Variants in SPATA9 observed in about 807,000 individuals in gnomAD.
SPATA9 encodes spermatogenesis-associated protein 9.
SPATA9 carries 27 observed loss-of-function variants against 25.5 expected under a neutral mutation model. The ratio of observed to expected loss-of-function variants is 1.06; its 90% CI spans 0.78 to 1.46. The LOEUF is 1.46. Ranked by LOEUF, SPATA9 falls within the 40% of genes most tolerant of loss-of-function variation. SPATA9 has a pLI of 0.00. For synonymous variants in SPATA9, 102 were observed against 105.7 expected (o/e 0.97, Z 0.21); for missense variants, 282 against 297.5 (o/e 0.95, Z 0.38).
In SPATA9 at chr5:95,658,613, A is replaced by G; in HGVS notation, c.*10T>C. Reference sequence around the variant, plus strand: ...GATAACTCTTAAGTTCTGTTCAGTGATACCTGTATTCAGATTTGCTCATTC... The same window carrying G: ...GATAACTCTTAAGTTCTGTTCAGTGGTACCTGTATTCAGATTTGCTCATTC... On this transcript the variant is annotated 3_prime_UTR_variant, in exon 5 of 5. Transcript: ENST00000274432. 1 of 1,608,014 alleles carries G rather than the reference A, an allele frequency of 6.2e-7. No individual in the cohort carries two copies. Among genetic ancestry groups the G allele is most frequent in the Non-Finnish European group, 8.5e-7 (1 of 1,177,180 alleles).
intron 1 of SPATA9, among the ~76,000 whole-genome samples, chr5:95,689,847 T>C (rs1000817272): frequency 6.6e-6 from 1 of 152,114 alleles, no homozygotes; most frequent in African/African-American, 2.4e-5. Context: ...TGGAATACTA[T>C]GCAGCCATAA....
At chr5:95,662,550 C>A (rs925874531) in intron 4 of SPATA9, among the ~76,000 whole-genome samples, 17 of 152,248 alleles carry the variant, frequency 1.1e-4, no homozygotes, top group African/African-American at 4.1e-4. Flanking sequence ...TAGGCACACA[C>A]CACCATGCCT....
the SPATA9 span, chr5:95,731,735 C>T: frequency 6.2e-7 from 1 of 1,611,616 alleles, no homozygotes. Context: ...GCGTGCCGTG[C>T]GCCCCAGGGA....
At chr5:95,663,047 C>T (rs1036602875) in intron 4 of SPATA9, among the ~76,000 whole-genome samples, 14 of 152,172 alleles carry the variant, frequency 9.2e-5, no homozygotes, top group African/African-American at 3.1e-4. Context: ...TATGGCCTAG[C>T]AGTTTCACCA....
At chr5:95,710,449 G>A in the SPATA9 span, among the ~76,000 whole-genome samples, 1 of 152,192 alleles carries the variant, frequency 6.6e-6, no homozygotes, top group African/African-American at 2.4e-5. Context: ...TTGGCCCAGA[G>A]TTAACTTATC....
Position 95,681,634 on chromosome 5 carries a change from TC to T in SPATA9, c.150+893del, listed in dbSNP as rs1364331324. 5.3e-5 allele frequency among the ~76,000 whole-genome samples: 8 copies of T among 152,250 alleles called. No homozygotes were observed. The South Asian group carries it at 1.7e-3, about 32-fold the overall frequency. ...TTATCTCTGTATTTCCTCTCTCCAG[TC>T]CCAAGCAATAGTGAGGTGTTTACTA... On this transcript the variant is annotated intron_variant, in intron 2 of 4. Transcript: ENST00000274432.
At chr5:95,718,417 C>T in the SPATA9 span, among the ~76,000 whole-genome samples, 1 of 152,240 alleles carries the variant, frequency 6.6e-6, no homozygotes, top group Admixed American at 6.5e-5. Context: ...AAGTAAAGAA[C>T]GGATGTGGCT....
chr5:95,701,122 G>A (rs1754172306), upstream of SPATA9: 2 of 152,092 alleles, frequency 1.3e-5, no homozygotes, highest in Admixed American at 6.6e-5. Context: ...CATTTCTGAA[G>A]TCCCTTATAA....
chr5:95,673,837 C>T (rs1416778093), intron 3 of SPATA9, among the ~76,000 whole-genome samples: 2 of 151,806 alleles, frequency 1.3e-5, no homozygotes, highest in Non-Finnish European at 2.9e-5. Context: ...CTCTGCCTCC[C>T]AGTTCAAGTG....
At chr5:95,677,455 C>T (rs981834822) in intron 2 of SPATA9, among the ~76,000 whole-genome samples, 4 of 152,160 alleles carry the variant, frequency 2.6e-5, no homozygotes, top group Non-Finnish European at 4.4e-5. Flanking sequence ...ATAACTTTCA[C>T]AATAATGATA....
At chr5:95,689,834 C>T (rs1561419071) in intron 1 of SPATA9, among the ~76,000 whole-genome samples, 1 of 152,138 alleles carries the variant, frequency 6.6e-6, no homozygotes, top group South Asian at 2.1e-4. Context: ...TATATACCCA[C>T]CATGGAATAC....
the SPATA9 span, chr5:95,731,575 G>T: frequency 3.3e-6 from 5 of 1,518,628 alleles, no homozygotes; most frequent in Admixed American, 1.0e-4. Context: ...CGAGGGGGAC[G>T]CGGCCGGGGA....
chr5:95,675,118 T>C (rs1340518406), intron 3 of SPATA9, among the ~76,000 whole-genome samples: 4 of 152,182 alleles, frequency 2.6e-5, no homozygotes, highest in African/African-American at 9.6e-5. Context: ...AACACAATAA[T>C]TTTTAAGGCT....
In SPATA9 at chr5:95,653,187, TCATCTCAGTGAC is replaced by T. The variant is rs772321646; in HGVS notation, c.*458_*469del. 2.6e-6 allele frequency: 4 copies of T among 1,551,636 alleles called. No individual in the cohort carries two copies. The African/African-American group carries it at 5.5e-5, about 21-fold the overall frequency. On this transcript the variant is annotated 3_prime_UTR_variant and NMD_transcript_variant, in exon 9 of 9. Transcript: ENST00000316087. ...CATTTTGGGCATTTCAGCTCAGCTG[TCATCTCAGTGAC>T]CAGTTTTTATCTGAGGTAAGAAAAT...
chr5:95,654,309 A>G (rs1750579434), downstream of SPATA9: 1 of 1,608,556 alleles, frequency 6.2e-7, no homozygotes, highest in African/African-American at 1.3e-5. Flanking sequence ...TAGTGACTGC[A>G]GGTAATATTC....
chr5:95,726,502 C>G, the SPATA9 span, among the ~76,000 whole-genome samples: 1 of 152,198 alleles, frequency 6.6e-6, no homozygotes, highest in East Asian at 1.9e-4. Flanking sequence ...TGTCTATTAA[C>G]TATAATATGC....
chr5:95,655,608 T>G (rs1750702579), downstream of SPATA9: 1 of 154,662 alleles, frequency 6.5e-6, no homozygotes, highest in Non-Finnish European at 1.4e-5. Context: ...ATTAACTACT[T>G]TGGATCACAA....
chr5:95,685,788 T>C (rs1173819474), upstream of SPATA9, among the ~76,000 whole-genome samples: 3 of 152,222 alleles, frequency 2.0e-5, no homozygotes, highest in East Asian at 1.9e-4. Context: ...TACAAATACA[T>C]TGGTATTACC....
chr5:95,676,531 T>C (rs1752965052), intron 2 of SPATA9, among the ~76,000 whole-genome samples: 2 of 152,250 alleles, frequency 1.3e-5, no homozygotes, highest in African/African-American at 4.8e-5. Flanking sequence ...TCATAGGCAA[T>C]TATAATGCTG....
Sources: allele counts gnomAD v4.1 joint callset (sites outside exome capture counted in the v4.1 genomes callset), GRCh38; gene constraint gnomAD v4.1.1; transcripts MANE v1.5; gene names NCBI Gene and HGNC (gene_info 2026-07-23, HGNC 2026-07-21).